Variants in ADAM23 observed in about 807,000 individuals in gnomAD.
The protein encoded by ADAM23 is ADAM metallopeptidase domain 23.
In ADAM23, 33 loss-of-function variants were observed where a neutral mutation model predicts 120.1. The observed-to-expected ratio is 0.27, with a 90% CI of 0.21 to 0.37. The LOEUF is 0.37. Among genes scored for constraint, ADAM23 ranks in the 10% least tolerant of loss-of-function variants. The probability of loss-of-function intolerance (pLI) is 1.00; values close to 1 mark genes in which losing one functional copy is unlikely to be tolerated. For missense variants in ADAM23, 862 were observed against 1,058.2 expected (o/e 0.81, Z 2.57); for synonymous variants, 367 against 375.2 (o/e 0.98, Z 0.25).
In ADAM23 at chr2:206,620,566, A is replaced by T. The variant is rs914227066; in HGVS notation, c.*2939A>T. The stretch of plus-strand genomic sequence containing the variant: ...TAATTTGAGCTCACAGCACAAGTGT[A>T]TCACTGTTTAATGTTACCCAACAAG... On this transcript the variant is annotated 3_prime_UTR_variant, in exon 26 of 26. Coordinates refer to ENST00000264377, the MANE Select transcript of ADAM23 (RefSeq NM_003812.4). 3.9e-5 allele frequency: 6 copies of T among 152,128 alleles called. No homozygotes were observed. Among genetic ancestry groups the T allele is most frequent in the Non-Finnish European group, 7.4e-5 (5 of 68,020 alleles). The allele number at this position is 152,128 out of a possible 1,614,324, so 9.4% of individuals were successfully genotyped here.
chr2:206,612,004 A>C (rs1424062115), intron 25 of ADAM23, among the ~76,000 whole-genome samples: 1 of 152,192 alleles, frequency 6.6e-6, no homozygotes, highest in Non-Finnish European at 1.5e-5. Flanking sequence ...AACTCTGATA[A>C]TCACTTTCAG....
chr2:206,477,889 A>ATATATATATATAT (rs371133867), intron 2 of ADAM23, among the ~76,000 whole-genome samples: 12 of 54,496 alleles, frequency 2.2e-4, no homozygotes, highest in East Asian at 9.3e-4. Flanking sequence ...TTAAAAAAAA[A>ATATATATATATAT]AAAAAAAAAT....
At chr2:206,574,343 T>G (rs1187897624) in intron 18 of ADAM23, among the ~76,000 whole-genome samples, 2 of 152,046 alleles carry the variant, frequency 1.3e-5, no homozygotes, top group Non-Finnish European at 1.5e-5. Flanking sequence ...TTGCTTGGTT[T>G]TCTGGTTATT....
At chr2:206,469,104 G>C (rs1017645486) in intron 2 of ADAM23, among the ~76,000 whole-genome samples, 4 of 152,120 alleles carry the variant, frequency 2.6e-5, no homozygotes, top group Non-Finnish European at 5.9e-5. Flanking sequence ...CTCCAACATT[G>C]GGGATTACAA....
intron 4 of ADAM23, among the ~76,000 whole-genome samples, chr2:206,537,339 G>C (rs547046960): frequency 2.2e-4 from 34 of 152,252 alleles, no homozygotes; most frequent in Middle Eastern, 3.4e-3. Flanking sequence ...CTCTGTGCGC[G>C]TGGCTCCTGG....
At chr2:206,589,760 AC>A (rs1392414711) in intron 21 of ADAM23, among the ~76,000 whole-genome samples, 1 of 152,170 alleles carries the variant, frequency 6.6e-6, no homozygotes, top group Admixed American at 6.5e-5. Context: ...GCCACATTTT[AC>A]TTCATTTTTG....
intron 9 of ADAM23, among the ~76,000 whole-genome samples, chr2:206,556,621 C>A (rs1697648519): frequency 6.6e-6 from 1 of 152,182 alleles, no homozygotes; most frequent in Non-Finnish European, 1.5e-5. Flanking sequence ...CGTACTACTC[C>A]TTGCTAAAAA....
rs1158412052 is a variant in ADAM23, at chr2:206,443,674, G to A, written c.-193G>A. 1 of 157,216 alleles carries A rather than the reference G, an allele frequency of 6.4e-6. No individual in the cohort carries two copies. The highest frequency in any genetic ancestry group is 1.3e-5 in the Non-Finnish European group (1 of 74,854). The allele number at this position is 157,216 out of a possible 1,614,324, so 9.7% of individuals were successfully genotyped here. A position where few individuals can be genotyped will look rare whatever the true frequency, so the allele number is the denominator to read the frequency against. On this transcript the variant is annotated 5_prime_UTR_variant, in exon 1 of 26. Coordinates refer to ENST00000264377, the MANE Select transcript of ADAM23 (RefSeq NM_003812.4). ...TGCGTCCCGCCCCGGGAGTGGCTGCGAGGCTAGGCGAGCCGGGAAAGGGGG... is the reference window on the plus strand; with the variant it reads ...TGCGTCCCGCCCCGGGAGTGGCTGCAAGGCTAGGCGAGCCGGGAAAGGGGG...
At chr2:206,535,943 T>C (rs1181209896) in intron 4 of ADAM23, among the ~76,000 whole-genome samples, 2 of 152,196 alleles carry the variant, frequency 1.3e-5, no homozygotes, top group Admixed American at 6.5e-5. Flanking sequence ...CTGAATTTTA[T>C]ACTTAAAAAG....
chr2:206,620,313 T>C lies in ADAM23; in HGVS notation c.*2686T>C, dbSNP rs1574571921. On this transcript the variant is annotated 3_prime_UTR_variant, in exon 26 of 26. Transcript: ENST00000264377. The stretch of plus-strand genomic sequence containing the variant: ...TTTGTTACACTGGCAATTTCATAGG[T>C]AATCGAACCTATGCTCCAATGTTAA... 2 of 152,300 alleles carry C rather than the reference T, an allele frequency of 1.3e-5. No homozygotes were observed. Among genetic ancestry groups the C allele is most frequent in the South Asian group, 4.1e-4 (2 of 4,824 alleles). The allele number at this position is 152,300 out of a possible 1,614,324, so 9.4% of individuals were successfully genotyped here. A position where few individuals can be genotyped will look rare whatever the true frequency, so the allele number is the denominator to read the frequency against.
chr2:206,510,260 G>A (rs1049708658), intron 3 of ADAM23, among the ~76,000 whole-genome samples: 9 of 152,076 alleles, frequency 5.9e-5, no homozygotes, highest in Non-Finnish European at 7.4e-5. Context: ...GAAATGAAAG[G>A]AATTGGTGAA....
chr2:206,479,429 A>G (rs1322712474), intron 2 of ADAM23, among the ~76,000 whole-genome samples: 2 of 152,160 alleles, frequency 1.3e-5, no homozygotes, highest in Non-Finnish European at 2.9e-5. Context: ...TCTCTACTGT[A>G]TAATATTCTT....
At chr2:206,559,580 C>T (rs1294779182) in intron 10 of ADAM23, among the ~76,000 whole-genome samples, 3 of 152,108 alleles carry the variant, frequency 2.0e-5, no homozygotes, top group African/African-American at 4.8e-5. Flanking sequence ...TGTTGCACTG[C>T]GGTTACTCAG....
intron 15 of ADAM23, among the ~76,000 whole-genome samples, chr2:206,569,346 G>A (rs774206039): frequency 6.6e-6 from 1 of 152,144 alleles, no homozygotes; most frequent in African/African-American, 2.4e-5. Context: ...TAGTAAATAT[G>A]GAATTATGTC....
intron 18 of ADAM23, among the ~76,000 whole-genome samples, chr2:206,579,492 T>C (rs970777095): frequency 1.3e-5 from 2 of 152,188 alleles, no homozygotes; most frequent in Non-Finnish European, 1.5e-5. Context: ...GAAAAGGGTG[T>C]CCTTTTCCCC....
intron 2 of ADAM23, among the ~76,000 whole-genome samples, chr2:206,473,596 TAATAAC>T (rs1201680843): frequency 6.7e-6 from 1 of 149,976 alleles, no homozygotes; most frequent in Non-Finnish European, 1.5e-5. Flanking sequence ...ATAATAATAA[TAATAAC>T]AACAACAACA....
At chr2:206,582,902 A>G (rs1465562282) in intron 18 of ADAM23, among the ~76,000 whole-genome samples, 2 of 152,056 alleles carry the variant, frequency 1.3e-5, no homozygotes, top group Non-Finnish European at 2.9e-5. Flanking sequence ...TAGCTTGTAG[A>G]GTTTCTGCTG....
chr2:206,472,619 A>AC (rs1386528669), intron 2 of ADAM23, among the ~76,000 whole-genome samples: 1 of 151,112 alleles, frequency 6.6e-6, no homozygotes, highest in East Asian at 1.9e-4. Flanking sequence ...TCAGGGGAAA[A>AC]AAAAAAAAAG....
intron 3 of ADAM23, among the ~76,000 whole-genome samples, chr2:206,486,750 A>G (rs1696021519): frequency 6.6e-6 from 1 of 152,028 alleles, no homozygotes; most frequent in South Asian, 2.1e-4. Flanking sequence ...CACCTATCAT[A>G]AAACTCACTT....
Sources: allele counts gnomAD v4.1 joint callset (sites outside exome capture counted in the v4.1 genomes callset), GRCh38; gene constraint gnomAD v4.1.1; transcripts MANE v1.5; gene names NCBI Gene and HGNC (gene_info 2026-07-23, HGNC 2026-07-21).